Variants in CCSER1 observed in about 807,000 individuals in gnomAD.
CCSER1 encodes the protein coiled-coil serine rich protein 1.
In CCSER1, 41 loss-of-function variants were observed where a neutral mutation model predicts 82.0. The ratio of observed to expected loss-of-function variants is 0.50; its 90% CI spans 0.39 to 0.65. The LOEUF is 0.65. Ranked by LOEUF, CCSER1 falls within the 30% of genes least tolerant of loss-of-function variation. The probability of loss-of-function intolerance (pLI) is 0.00; values close to 1 mark genes in which losing one functional copy is unlikely to be tolerated. For synonymous variants in CCSER1, 414 were observed against 383.9 expected (o/e 1.08, Z -0.92); for missense variants, 1,119 against 1,064.2 (o/e 1.05, Z -0.72).
intron 6 of CCSER1, among the ~76,000 whole-genome samples, chr4:90,675,612 G>T: frequency 1.0e-4 from 2 of 19,288 alleles, no homozygotes; most frequent in Non-Finnish European, 2.1e-4. Context: ...TAACACACAT[G>T]ATCTAAAATT....
intron 3 of CCSER1, among the ~76,000 whole-genome samples, chr4:90,362,348 A>C (rs1028033165): frequency 2.0e-5 from 3 of 152,222 alleles, no homozygotes; most frequent in African/African-American, 7.2e-5. Context: ...GAAGGTATTT[A>C]ATATAAACTT....
intron 5 of CCSER1, among the ~76,000 whole-genome samples, chr4:90,557,567 C>T (rs1337344299): frequency 6.6e-6 from 1 of 152,030 alleles, no homozygotes; most frequent in African/African-American, 2.4e-5. Context: ...TTAGTGAATA[C>T]TGTAGGTATA....
At chr4:90,486,129 G>A (rs934131269) in intron 5 of CCSER1, among the ~76,000 whole-genome samples, 1 of 151,996 alleles carries the variant, frequency 6.6e-6, no homozygotes. Context: ...AACATTCATG[G>A]GCTTTGATTC....
intron 1 of CCSER1, among the ~76,000 whole-genome samples, chr4:90,226,937 T>C (rs570710922): frequency 6.6e-6 from 1 of 152,372 alleles, no homozygotes; most frequent in East Asian, 1.9e-4. Flanking sequence ...ACCAGTTGTC[T>C]TTTTGGCAGA....
At chr4:90,984,518 C>T (rs959378535) in intron 9 of CCSER1, among the ~76,000 whole-genome samples, 1 of 151,642 alleles carries the variant, frequency 6.6e-6, no homozygotes, top group Admixed American at 6.6e-5. Flanking sequence ...ACCTTGAAAG[C>T]ATGGGAAATG....
intron 9 of CCSER1, among the ~76,000 whole-genome samples, chr4:90,995,643 GTTATA>G (rs1737426546): frequency 1.3e-5 from 2 of 151,982 alleles, no homozygotes; most frequent in African/African-American, 4.8e-5. Context: ...ATTTTTTAAA[GTTATA>G]TTACTTTTTA....
intron 10 of CCSER1, among the ~76,000 whole-genome samples, chr4:91,350,087 A>G (rs1328853864): frequency 6.6e-6 from 1 of 152,180 alleles, no homozygotes; most frequent in Non-Finnish European, 1.5e-5. Context: ...CTTACATGCC[A>G]TATTGGAAAC....
chr4:91,498,318 T>A (rs1278851027), intron 10 of CCSER1, among the ~76,000 whole-genome samples: 1 of 151,996 alleles, frequency 6.6e-6, no homozygotes, highest in Admixed American at 6.6e-5. Context: ...TTAGTTACAC[T>A]GTATATTATC....
At chr4:91,093,618 C>T (rs769348648) in intron 10 of CCSER1, among the ~76,000 whole-genome samples, 2 of 152,168 alleles carry the variant, frequency 1.3e-5, no homozygotes, top group Non-Finnish European at 1.5e-5. Flanking sequence ...TTTGAAGCTC[C>T]GTCTAGCTGT....
chr4:91,201,757 T>C (rs1309834995), intron 10 of CCSER1, among the ~76,000 whole-genome samples: 1 of 152,032 alleles, frequency 6.6e-6, no homozygotes, highest in African/African-American at 2.4e-5. Flanking sequence ...TGTTGACTGG[T>C]ATAAGTGCTA....
chr4:90,658,588 A>ACAC (rs1353253284), intron 6 of CCSER1, among the ~76,000 whole-genome samples: 2 of 152,198 alleles, frequency 1.3e-5, no homozygotes, highest in African/African-American at 4.8e-5. Context: ...GATAAAAGTG[A>ACAC]CACCAAATGT....
At chr4:90,618,465 C>A (rs1258242584) in intron 5 of CCSER1, among the ~76,000 whole-genome samples, 2 of 151,652 alleles carry the variant, frequency 1.3e-5, no homozygotes, top group Non-Finnish European at 3.0e-5. Flanking sequence ...ATCTAAATTC[C>A]CATTTTGTGC....
chr4:91,423,798 C>G (rs1753813021), intron 10 of CCSER1, among the ~76,000 whole-genome samples: 1 of 151,974 alleles, frequency 6.6e-6, no homozygotes, highest in Non-Finnish European at 1.5e-5. Context: ...ATATACAAAT[C>G]AACCAAGCAG....
At chr4:90,584,461 T>C (rs1781767440) in intron 5 of CCSER1, among the ~76,000 whole-genome samples, 1 of 152,206 alleles carries the variant, frequency 6.6e-6, no homozygotes, top group African/African-American at 2.4e-5. Flanking sequence ...TGAATTTCTC[T>C]TTAGAAACTC....
At chr4:91,519,265 G>C (rs1343783283) in intron 10 of CCSER1, among the ~76,000 whole-genome samples, 2 of 152,180 alleles carry the variant, frequency 1.3e-5, no homozygotes, top group Admixed American at 6.5e-5. Flanking sequence ...AGTCACTCGG[G>C]ACTCTTCAGA....
At chr4:90,633,073 C>G (rs996820171) in intron 6 of CCSER1, among the ~76,000 whole-genome samples, 1 of 152,012 alleles carries the variant, frequency 6.6e-6, no homozygotes, top group African/African-American at 2.4e-5. Flanking sequence ...GCTAATCTTC[C>G]TTTTCCCAGT....
intron 10 of CCSER1, among the ~76,000 whole-genome samples, chr4:91,539,349 T>C (rs1240987982): frequency 2.0e-5 from 3 of 152,108 alleles, no homozygotes; most frequent in Non-Finnish European, 2.9e-5. Flanking sequence ...ATTTTTCCCT[T>C]CTGACGCTTA....
chr4:90,665,642 A>G (rs6819928), intron 6 of CCSER1, among the ~76,000 whole-genome samples: 69,463 of 152,012 alleles, frequency 0.46, 16,274 homozygotes, highest in Middle Eastern at 0.59. Context: ...TTTGAGGGGT[A>G]AAGGAAGTAT....
intron 1 of CCSER1, among the ~76,000 whole-genome samples, chr4:90,157,279 C>G (rs1340704056): frequency 2.6e-5 from 4 of 152,230 alleles, no homozygotes; most frequent in Middle Eastern, 6.8e-3. Context: ...GTGAGTAACC[C>G]GACCTTTCTC....
Sources: gnomAD v4.1 joint callset for allele counts (sites outside exome capture counted in the v4.1 genomes callset) on GRCh38, gnomAD v4.1.1 for gene constraint, MANE v1.5 for transcripts, NCBI Gene and HGNC (gene_info 2026-07-23, HGNC 2026-07-21) for gene names.